The following PLAGL1 variants were observed in gnomAD, a reference collection of about 807,000 sequenced individuals.
PLAGL1 encodes the protein PLAG1 like zinc finger 1.
In PLAGL1, 1 loss-of-function variant was observed where a neutral mutation model predicts 4.6. The ratio of observed to expected loss-of-function variants is 0.22; its 90% CI spans 0.08 to 1.03. The LOEUF (loss-of-function observed/expected upper bound fraction) is 1.03, where lower values mean the gene tolerates loss of function less well. PLAGL1 is among the 50% of genes least tolerant of loss of function. The probability of loss-of-function intolerance (pLI) is 0.58; values close to 1 mark genes in which losing one functional copy is unlikely to be tolerated. For synonymous variants in PLAGL1, 240 were observed against 237.8 expected (o/e 1.01, Z -0.08); for missense variants, 464 against 570.4 (o/e 0.81, Z 1.90).
At chr6:144,042,680 C>T (rs1216393090) in intron 1 of PLAGL1, among the ~76,000 whole-genome samples, 6 of 152,124 alleles carry the variant, frequency 3.9e-5, no homozygotes, top group Non-Finnish European at 7.4e-5. Flanking sequence ...TCCATATGAA[C>T]TTTAAAGTGG....
At position 143,960,147 on chromosome 6, in the gene PLAGL1, T is replaced by G. The variant is rs1414422528; in HGVS notation, c.-325+322A>C. Among the ~76,000 whole-genome samples the G allele has an allele frequency of 6.6e-6, 1 of 152,194 alleles. No homozygotes were observed. Among genetic ancestry groups the G allele is most frequent in the Non-Finnish European group, 1.5e-5 (1 of 68,024 alleles). ...GTTGGCAGGGGCAGCTTTCTTCTTTTGAACTGACAGGGTTGTCAGCAGAAA... is the reference window on the plus strand; with the variant it reads ...GTTGGCAGGGGCAGCTTTCTTCTTTGGAACTGACAGGGTTGTCAGCAGAAA... On this transcript the variant is annotated intron_variant, in intron 6 of 7. Transcript: ENST00000674357. The surrounding 1 kb of genome is among the most constrained non-coding windows in gnomAD (Gnocchi z 5.7).
rs1416024259 is a variant in PLAGL1, at chr6:143,970,752, A to G, written c.-543-1774T>C. On this transcript the variant is annotated intron_variant, in intron 2 of 7. Transcript: ENST00000674357. This position sits in a 1 kb window ranked among gnomAD's most constrained non-coding sequence, Gnocchi z 5.8. Reference sequence around the variant, plus strand: ...GAGGGTTTCTCTTAAGTTACTTGAAATTCTTCTTCTTGGATATTACAGCAG... The same window carrying G: ...GAGGGTTTCTCTTAAGTTACTTGAAGTTCTTCTTCTTGGATATTACAGCAG... Among the ~76,000 whole-genome samples the G allele has an allele frequency of 1.3e-5, 2 of 152,182 alleles. No individual in the cohort carries two copies. Among genetic ancestry groups the G allele is most frequent in the Admixed American group, 6.5e-5 (1 of 15,272 alleles).
rs1782570475 is a variant in PLAGL1 at position 143,958,196 on chromosome 6, G to A, written c.-325+2273C>T. On this transcript the variant is annotated intron_variant, in intron 6 of 7. Transcript: ENST00000674357. The surrounding 1 kb of genome is among the most constrained non-coding windows in gnomAD (Gnocchi z 5.1). ...TGAAAGTGAGGATGTCCCATCTACA[G>A]ATGAATTGCAGAGAGGAAAAAGTTA... 6.6e-6 allele frequency among the ~76,000 whole-genome samples: 1 copy of A among 152,208 alleles called. No individual in the cohort carries two copies. The highest frequency in any genetic ancestry group is 1.5e-5 in the Non-Finnish European group (1 of 68,034).
At chr6:144,046,797 G>A (rs979257558) in intron 1 of PLAGL1, among the ~76,000 whole-genome samples, 2 of 152,206 alleles carry the variant, frequency 1.3e-5, no homozygotes, top group African/African-American at 4.8e-5. Context: ...GCCCCCAAAG[G>A]TGGAGTCTAC....
In PLAGL1 at chr6:143,975,123, A is replaced by C. The variant is rs1446999195; in HGVS notation, c.-543-6145T>G. On this transcript the variant is annotated intron_variant, in intron 2 of 7. Coordinates refer to ENST00000674357, the MANE Select transcript of PLAGL1 (RefSeq NM_001317162.2). The surrounding 1 kb of genome is among the most constrained non-coding windows in gnomAD (Gnocchi z 5.8). The stretch of plus-strand genomic sequence containing the variant: ...TCATAGAACTAATAATCAGCAGTTA[A>C]AACTTTAAATTCAAGTATTCTATCT... Among the ~76,000 whole-genome samples the C allele has an allele frequency of 6.6e-6, 1 of 152,206 alleles. No homozygotes were observed. The highest frequency in any genetic ancestry group is 1.5e-5 in the Non-Finnish European group (1 of 68,034).
chr6:143,998,930 C>A (rs934434225), intron 1 of PLAGL1, among the ~76,000 whole-genome samples: 2 of 151,790 alleles, frequency 1.3e-5, no homozygotes, highest in South Asian at 4.1e-4. Flanking sequence ...TAAGTTAGGA[C>A]CAGACAAAAA....
chr6:144,014,904 G>GTAT (rs1795467915), intron 1 of PLAGL1, among the ~76,000 whole-genome samples: 1 of 152,054 alleles, frequency 6.6e-6, no homozygotes, highest in Non-Finnish European at 1.5e-5. Context: ...TTTTGACAGA[G>GTAT]GTATAACATA....
intron 1 of PLAGL1, among the ~76,000 whole-genome samples, chr6:144,023,958 G>C (rs1272924830): frequency 6.6e-6 from 1 of 151,772 alleles, no homozygotes; most frequent in Non-Finnish European, 1.5e-5. Flanking sequence ...TGTATTTTTA[G>C]TAGACACGGG....
chr6:143,980,070 T>C (rs1011264326), intron 2 of PLAGL1, among the ~76,000 whole-genome samples: 21 of 152,136 alleles, frequency 1.4e-4, no homozygotes, highest in African/African-American at 4.8e-4. Flanking sequence ...ACATTCCTTC[T>C]GACAGGAAGC....
chr6:144,001,284 G>A (rs764214941), intron 1 of PLAGL1, among the ~76,000 whole-genome samples: 4 of 152,038 alleles, frequency 2.6e-5, no homozygotes, highest in African/African-American at 4.8e-5. Flanking sequence ...TATAAAAATG[G>A]TATTAGATAA....
rs1781444951 is a variant in PLAGL1 at position 143,953,295 on chromosome 6, C to T, written c.-324-4835G>A. 6.6e-6 allele frequency among the ~76,000 whole-genome samples: 1 copy of T among 152,234 alleles called. No homozygotes were observed. The highest frequency in any genetic ancestry group is 2.4e-5 in the African/African-American group (1 of 41,446). ...CTTCTATTCTGCTCTGAGAGAGCCA[C>T]CTGCTGAGCCATCAGGTTTGTTGCC... On this transcript the variant is annotated intron_variant, in intron 6 of 7. Coordinates refer to ENST00000674357, the MANE Select transcript of PLAGL1 (RefSeq NM_001317162.2). This position sits in a 1 kb window ranked among gnomAD's most constrained non-coding sequence, Gnocchi z 5.3.
intron 1 of PLAGL1, chr6:144,037,415 C>CAAAAAAAAAAAA (rs34570725): frequency 1.1e-5 from 1 of 88,118 alleles, no homozygotes; most frequent in Non-Finnish European, 2.2e-5. Context: ...CCATCTCTAC[C>CAAAAAAAAAAAA]AAAAAAAAAA....
rs188344575 is a variant in PLAGL1, at chr6:143,972,738, A to G, written c.-543-3760T>C. Among the ~76,000 whole-genome samples the G allele has an allele frequency of 6.6e-6, 1 of 152,316 alleles. No homozygotes were observed. The highest frequency in any genetic ancestry group is 2.4e-5 in the African/African-American group (1 of 41,570). ...TGGATTTTAGAGAGTTTCATATAAT[A>G]TCAATAATGCTTACTGTATCACTGT... is the stretch of plus-strand genomic sequence containing the variant. On this transcript the variant is annotated intron_variant, in intron 2 of 7. Coordinates refer to ENST00000674357, the MANE Select transcript of PLAGL1 (RefSeq NM_001317162.2). The surrounding 1 kb of genome is among the most constrained non-coding windows in gnomAD (Gnocchi z 6.8).
chr6:144,064,375 A>G lies in PLAGL1; in HGVS notation c.-151+93T>C, dbSNP rs566978670. On this transcript the variant is annotated intron_variant, in intron 1 of 3. Coordinates refer to the PLAGL1 transcript ENST00000437412. The surrounding 1 kb of genome is among the most constrained non-coding windows in gnomAD (Gnocchi z 6.8). ...CGGCACGGGTTGGAGCCCCCGCCCC[A>G]CGCGCCCACCTTAACGCCGCGCCCC... is the stretch of plus-strand genomic sequence containing the variant. The G allele has an allele frequency of 2.6e-5, 4 of 151,238 alleles. No homozygotes were observed. Among genetic ancestry groups the G allele is most frequent in the Admixed American group, 2.6e-4 (4 of 15,234 alleles). 9.4% of individuals were successfully genotyped at this position (151,238 alleles called of 1,614,324 possible). A position where few individuals can be genotyped will look rare whatever the true frequency, so the allele number is the denominator to read the frequency against.
rs1778374212 is a variant in PLAGL1 at position 143,940,601 on chromosome 6, A to G, written c.*823T>C. The G allele has an allele frequency of 6.6e-6, 1 of 152,362 alleles. No homozygotes were observed. Among genetic ancestry groups the G allele is most frequent in the Non-Finnish European group, 1.5e-5 (1 of 68,024 alleles). The allele number at this position is 152,362 out of a possible 1,614,324, so 9.4% of individuals were successfully genotyped here. ...AGAGCAAAGAAAATTCTTGTTTAAT[A>G]TATATATATTTTTAATTCCAGTAAT... On this transcript the variant is annotated 3_prime_UTR_variant, in exon 8 of 8. Transcript: ENST00000674357.
chr6:144,026,977 C>T (rs184359685), intron 1 of PLAGL1, among the ~76,000 whole-genome samples: 2 of 151,818 alleles, frequency 1.3e-5, no homozygotes, highest in Admixed American at 6.6e-5. Flanking sequence ...TTTGGAAGGC[C>T]GAGGCAGGAG....
chr6:144,003,808 T>C (rs947922114), intron 1 of PLAGL1, among the ~76,000 whole-genome samples: 5 of 152,142 alleles, frequency 3.3e-5, no homozygotes, highest in East Asian at 1.9e-4. Flanking sequence ...GAAATCTAAA[T>C]AGCTGATTAA....
rs1191166269 is a variant in PLAGL1, at chr6:144,027,237, A to AC, written c.-151+37230_-151+37231insG. On this transcript the variant is annotated intron_variant, in intron 1 of 3. Transcript: ENST00000437412. This position sits in a 1 kb window ranked among gnomAD's most constrained non-coding sequence, Gnocchi z 5.8. ...AGACCCCAACTCAAAGAACGAACGAAAGAAAGAAAGAAAGAAAGAAAGAAA... is the reference window on the plus strand; with the variant it reads ...AGACCCCAACTCAAAGAACGAACGAACAGAAAGAAAGAAAGAAAGAAAGAAA... Among the ~76,000 whole-genome samples the AC allele has an allele frequency of 3.1e-5, 2 of 64,846 alleles. No individual in the cohort carries two copies. The highest frequency in any genetic ancestry group is 9.0e-5 in the African/African-American group (2 of 22,210). The allele number at this position is 64,846 out of a possible 152,430, so 42.5% of individuals were successfully genotyped here.
At chr6:144,057,716 A>G (rs1799078906) in intron 1 of PLAGL1, among the ~76,000 whole-genome samples, 1 of 152,078 alleles carries the variant, frequency 6.6e-6, no homozygotes, top group African/African-American at 2.4e-5. Flanking sequence ...CCGAAGAGAA[A>G]AGGTTGTTGG....
Sources: gnomAD v4.1 joint callset for allele counts (sites outside exome capture counted in the v4.1 genomes callset) on GRCh38, gnomAD v4.1.1 for gene constraint, Gnocchi (gnomAD v3.1) non-coding constraint, MANE v1.5 for transcripts, NCBI Gene and HGNC (gene_info 2026-07-23, HGNC 2026-07-21) for gene names.